The following NDUFS4 variants were observed in gnomAD, a reference collection of about 807,000 sequenced individuals.
The protein encoded by NDUFS4 is NADH:ubiquinone oxidoreductase subunit S4.
NDUFS4 carries 28 observed loss-of-function variants against 24.3 expected under a neutral mutation model. The ratio of observed to expected loss-of-function variants is 1.15; its 90% CI spans 0.85 to 1.58. NDUFS4 has a LOEUF of 1.58. Ranked by LOEUF, NDUFS4 falls within the 40% of genes most tolerant of loss-of-function variation. The probability of loss-of-function intolerance (pLI) is 0.00; values close to 1 mark genes in which losing one functional copy is unlikely to be tolerated. For missense variants in NDUFS4, 223 were observed against 207.9 expected, an observed-to-expected ratio of 1.07 and a Z score of -0.45; for synonymous variants, 93 against 69.7, an observed-to-expected ratio of 1.34 and a Z score of -1.67.
At chr5:53,592,556 CA>C (rs1413678040) in intron 1 of NDUFS4, among the ~76,000 whole-genome samples, 1 of 152,066 alleles carries the variant, frequency 6.6e-6, no homozygotes, top group Non-Finnish European at 1.5e-5. Flanking sequence ...GAGCCATTTT[CA>C]GTTAATTTCT....
chr5:53,565,571 C>T (rs1163807859), intron 1 of NDUFS4, among the ~76,000 whole-genome samples: 1 of 152,196 alleles, frequency 6.6e-6, no homozygotes, highest in Non-Finnish European at 1.5e-5. Flanking sequence ...CGCAGTGTTT[C>T]TTTTAATACC....
At chr5:53,647,201 A>G (rs1341457046) in intron 3 of NDUFS4, among the ~76,000 whole-genome samples, 3 of 151,780 alleles carry the variant, frequency 2.0e-5, no homozygotes, top group African/African-American at 7.2e-5. Context: ...ATAATAAATT[A>G]CTTTTAATTT....
intron 1 of NDUFS4, among the ~76,000 whole-genome samples, chr5:53,582,241 A>AAAATAAAATAAAATT (rs1554054139): frequency 8.9e-4 from 120 of 134,158 alleles, no homozygotes; most frequent in African/African-American, 2.4e-3. Context: ...AAAATAAAAT[A>AAAATAAAATAAAATT]AAATTAAATT....
At chr5:53,627,623 A>G (rs1751270563) in intron 2 of NDUFS4, among the ~76,000 whole-genome samples, 1 of 151,954 alleles carries the variant, frequency 6.6e-6, no homozygotes, top group African/African-American at 2.4e-5. Context: ...ATTCCTAGGT[A>G]TTTTATTCTC....
At chr5:53,671,414 C>T (rs2111574404) in intron 4 of NDUFS4, among the ~76,000 whole-genome samples, 1 of 152,236 alleles carries the variant, frequency 6.6e-6, no homozygotes, top group South Asian at 2.1e-4. Context: ...CCTGTTCCCA[C>T]TACCATGTCC....
At chr5:53,586,589 C>T (rs1245142637) in intron 1 of NDUFS4, among the ~76,000 whole-genome samples, 1 of 152,094 alleles carries the variant, frequency 6.6e-6, no homozygotes, top group Non-Finnish European at 1.5e-5. Context: ...GTGGCGCAAT[C>T]TTGGCTCACT....
intron 4 of NDUFS4, among the ~76,000 whole-genome samples, chr5:53,662,630 T>A (rs916302831): frequency 5.3e-5 from 8 of 152,140 alleles, no homozygotes; most frequent in African/African-American, 1.7e-4. Flanking sequence ...GGTCCTGGAC[T>A]TTTTTTGGTT....
chr5:53,641,563 T>G (rs1471852799), intron 2 of NDUFS4, among the ~76,000 whole-genome samples: 3 of 152,136 alleles, frequency 2.0e-5, no homozygotes, highest in Non-Finnish European at 4.4e-5. Context: ...CAAACAAAAG[T>G]TGGTTCTAAT....
intron 4 of NDUFS4, among the ~76,000 whole-genome samples, chr5:53,673,298 CTT>C (rs918466130): frequency 6.6e-6 from 1 of 152,160 alleles, no homozygotes; most frequent in South Asian, 2.1e-4. Flanking sequence ...TAGCACCTCT[CTT>C]TTCACAAAAT....
chr5:53,646,782 C>A (rs1751877759), intron 3 of NDUFS4, among the ~76,000 whole-genome samples: 1 of 151,978 alleles, frequency 6.6e-6, no homozygotes, highest in African/African-American at 2.4e-5. Context: ...GAGAGACTAC[C>A]CTTAATATAA....
At chr5:53,586,476 T>C (rs958483529) in intron 1 of NDUFS4, among the ~76,000 whole-genome samples, 1 of 151,984 alleles carries the variant, frequency 6.6e-6, no homozygotes, top group East Asian at 1.9e-4. Context: ...TTTACTGTAG[T>C]TGTTCAGGAA....
chr5:53,601,466 A>G (rs1017865615), intron 1 of NDUFS4, among the ~76,000 whole-genome samples: 4 of 152,218 alleles, frequency 2.6e-5, no homozygotes, highest in African/African-American at 9.6e-5. Flanking sequence ...ATTTTCTTAA[A>G]CAATTAGGAC....
At position 53,605,335 on chromosome 5, in the gene NDUFS4, C is replaced by CT. The variant is rs1317764421; in HGVS notation, c.177+1812dup. 5.9e-5 allele frequency among the ~76,000 whole-genome samples: 9 copies of CT among 152,128 alleles called. No individual in the cohort carries two copies. In the South Asian group the frequency reaches 6.2e-4, roughly 11 times the overall value. On this transcript the variant is annotated intron_variant, in intron 2 of 4. Transcript: ENST00000296684. ...TTATTTTAATTTTTCCTATGAGCAT[C>CT]TTTTTTTAACTCTCAGGAGGTTGCC...
chr5:53,593,515 T>A (rs1444737208), intron 1 of NDUFS4, among the ~76,000 whole-genome samples: 1 of 151,888 alleles, frequency 6.6e-6, no homozygotes, highest in Admixed American at 6.6e-5. Context: ...TTTGTTTATT[T>A]TTCTTTACCA....
intron 1 of NDUFS4, among the ~76,000 whole-genome samples, chr5:53,590,115 GA>G (rs1307748986): frequency 6.6e-6 from 1 of 152,106 alleles, no homozygotes; most frequent in African/African-American, 2.4e-5. Context: ...TTGGTAGAAT[GA>G]TTTTTTTAAA....
At chr5:53,589,405 C>T (rs767827729) in intron 1 of NDUFS4, among the ~76,000 whole-genome samples, 2 of 152,188 alleles carry the variant, frequency 1.3e-5, no homozygotes, top group Non-Finnish European at 2.9e-5. Flanking sequence ...TCCGTGTATC[C>T]TCACTTGGGA....
At chr5:53,647,484 T>C (rs1487743442) in intron 3 of NDUFS4, among the ~76,000 whole-genome samples, 3 of 152,124 alleles carry the variant, frequency 2.0e-5, no homozygotes, top group African/African-American at 2.4e-5. Flanking sequence ...TCGAAAGTAC[T>C]GAGATTACAG....
In NDUFS4 at chr5:53,609,830, G is replaced by A. The variant is rs569638401; in HGVS notation, c.177+6300G>A. Among the ~76,000 whole-genome samples the A allele has an allele frequency of 9.2e-5, 14 of 152,034 alleles. No individual in the cohort carries two copies. In the East Asian group the frequency reaches 1.6e-3, roughly 17 times the overall value. ...ATGGCTTCCTCCTTAGACCTCATGA[G>A]CCAACCTCTGCTTTCCTCCCCTCTC... is the stretch of plus-strand genomic sequence containing the variant. On this transcript the variant is annotated intron_variant, in intron 2 of 4. Coordinates refer to ENST00000296684, the MANE Select transcript of NDUFS4 (RefSeq NM_002495.4).
intron 4 of NDUFS4, among the ~76,000 whole-genome samples, chr5:53,661,973 T>G (rs1281039458): frequency 1.3e-5 from 2 of 152,180 alleles, no homozygotes; most frequent in African/African-American, 2.4e-5. Flanking sequence ...CTTTTCCTAA[T>G]TGAATACCCT....
Sources: allele counts gnomAD v4.1 joint callset (sites outside exome capture counted in the v4.1 genomes callset), GRCh38; gene constraint gnomAD v4.1.1; transcripts MANE v1.5; gene names NCBI Gene and HGNC (gene_info 2026-07-23, HGNC 2026-07-21).